The following ZNF662 variants were observed in gnomAD, a reference collection of about 807,000 sequenced individuals.
The protein encoded by ZNF662 is zinc finger protein 662.
ZNF662 carries 14 observed loss-of-function variants against 12.4 expected under a neutral mutation model. That is an observed-to-expected ratio of 1.13 (90% CI 0.75 to 1.77). ZNF662 has a LOEUF of 1.77. Ranked by LOEUF, ZNF662 falls within the 40% of genes most tolerant of loss-of-function variation. The pLI, the probability that ZNF662 is intolerant of heterozygous loss-of-function variation, is 0.00. For synonymous variants in ZNF662, 184 were observed against 176.4 expected, an observed-to-expected ratio of 1.04 and a Z score of -0.34; for missense variants, 550 against 515.6, an observed-to-expected ratio of 1.07 and a Z score of -0.65.
At chr3:42,914,242 A>C (rs892597616) in intron 4 of ZNF662, 85 bp from the exon 5 acceptor site, 1 of 1,226,962 alleles carries the variant, frequency 8.2e-7, no homozygotes, top group African/African-American at 1.5e-5. Context: ...CTTGGAGAGA[A>C]GTGGACGTAT....
chr3:42,909,724 C>G (rs536557791), intron 3 of ZNF662, among the ~76,000 whole-genome samples: 4 of 151,470 alleles, frequency 2.6e-5, no homozygotes, highest in Non-Finnish European at 2.9e-5. Context: ...GGCGGCTGGC[C>G]GGGCGGAGGA....
In ZNF662 at chr3:42,918,700, T is replaced by A. The variant is rs2088920360; in HGVS notation, c.*3346T>A. Among the ~76,000 whole-genome samples the A allele has an allele frequency of 6.6e-6, 1 of 152,172 alleles. No individual in the cohort carries two copies. The highest frequency in any genetic ancestry group is 2.4e-5 in the African/African-American group (1 of 41,426). On this transcript the variant is annotated 3_prime_UTR_variant, in exon 5 of 5. Coordinates refer to ENST00000440367, the MANE Select transcript of ZNF662 (RefSeq NM_207404.4). ...CTGGTTCCTGCTGATGGGGGCACTG[T>A]TTTGGGAAAATAGCAGTGAGATCTC...
At chr3:42,911,214 C>A (rs2088784663) in intron 3 of ZNF662, among the ~76,000 whole-genome samples, 1 of 152,192 alleles carries the variant, frequency 6.6e-6, no homozygotes, top group Admixed American at 6.5e-5. Flanking sequence ...TTGACTTGGT[C>A]TGAATTGCCA....
At chr3:42,909,729 G>A (rs990009694) in intron 3 of ZNF662, among the ~76,000 whole-genome samples, 10 of 151,048 alleles carry the variant, frequency 6.6e-5, no homozygotes, top group South Asian at 2.1e-4. Context: ...CTGGCCGGGC[G>A]GAGGAGCTCC....
intron 4 of ZNF662, among the ~76,000 whole-genome samples, chr3:42,914,107 G>C (rs1343560546): frequency 6.7e-6 from 1 of 149,144 alleles, no homozygotes; most frequent in East Asian, 2.0e-4. Context: ...CCTTGGTTTG[G>C]TGCCAGGAAT....
chr3:42,913,261 A>G lies in ZNF662; in HGVS notation c.212A>G (p.Asn71Ser). The stretch of plus-strand genomic sequence containing the variant: ...CCTGAGCAGGTGGAAGAGCCATTAA[A>G]CCTGAAACTGCAAGGAGAGGGTCCA... ...SHPEQVEEPL[N>S]LKLQGEGPSL... Residue 71 changes from asparagine to serine, a missense_variant, in exon 4 of 5, where the codon AAC (asparagine) becomes AGC (serine). By Grantham distance (46) the Asn-to-Ser change is conservative (BLOSUM62 1). Transcript: ENST00000440367. 1 of 1,613,976 alleles carries G rather than the reference A, an allele frequency of 6.2e-7. No homozygotes were observed. Among genetic ancestry groups the G allele is most frequent in the South Asian group, 1.1e-5 (1 of 91,082 alleles).
chr3:42,906,300 G>A lies in ZNF662; in HGVS notation c.-94+132G>A, dbSNP rs755184523. The A allele has an allele frequency of 7.5e-5, 113 of 1,505,224 alleles. No individual in the cohort carries two copies. Among genetic ancestry groups the A allele is most frequent in the Non-Finnish European group, 9.0e-5 (101 of 1,126,370 alleles). The allele number at this position is 1,505,224 out of a possible 1,614,324, so 93.2% of individuals were successfully genotyped here. A position where few individuals can be genotyped will look rare whatever the true frequency, so the allele number is the denominator to read the frequency against. On this transcript the variant is annotated intron_variant, in intron 1 of 4. Coordinates refer to ENST00000440367, the MANE Select transcript of ZNF662 (RefSeq NM_207404.4). The surrounding 1 kb of genome is among the most constrained non-coding windows in gnomAD (Gnocchi z 4.4). ...AGAGCGCTCTTCCGCGACCCCAACA[G>A]CCTCTGGTCCGGTCTGGCGCGCCCT...
Position 42,918,757 on chromosome 3 carries a change from A to C in ZNF662, c.*3403A>C, listed in dbSNP as rs1419774532. On this transcript the variant is annotated 3_prime_UTR_variant, in exon 5 of 5. Transcript: ENST00000440367. ...AGGCCTATCTAAGGGTCCCTGGTAA[A>C]AGGTGGCCATCATTTGAGGTTCCAA... 6.6e-6 allele frequency among the ~76,000 whole-genome samples: 1 copy of C among 152,192 alleles called. No homozygotes were observed. The highest frequency in any genetic ancestry group is 1.5e-5 in the Non-Finnish European group (1 of 68,032).
intron 3 of ZNF662, among the ~76,000 whole-genome samples, chr3:42,909,169 T>A (rs1017996531): frequency 2.6e-5 from 4 of 152,108 alleles, no homozygotes; most frequent in African/African-American, 9.7e-5. Flanking sequence ...CAGATAAACA[T>A]GTGAACAAAG....
chr3:42,915,447 T>A lies in ZNF662; in HGVS notation c.*93T>A. 8.5e-7 allele frequency: 1 copy of A among 1,180,186 alleles called. No individual in the cohort carries two copies. The highest frequency in any genetic ancestry group is 1.2e-6 in the Non-Finnish European group (1 of 841,734). 73.1% of individuals were successfully genotyped at this position (1,180,186 alleles called of 1,614,324 possible). A position where few individuals can be genotyped will look rare whatever the true frequency, so the allele number is the denominator to read the frequency against. Reference sequence around the variant, plus strand: ...GACCATTCACAATTTGCTGTAACCCTTAACTTAAATAGCCAGTATTATCTT... The same window carrying A: ...GACCATTCACAATTTGCTGTAACCCATAACTTAAATAGCCAGTATTATCTT... On this transcript the variant is annotated 3_prime_UTR_variant, in exon 5 of 5. Transcript: ENST00000440367.
At chr3:42,914,280 G>A (rs747607875) in intron 4 of ZNF662, 47 bp from the exon 5 acceptor site, 1 of 1,492,294 alleles carries the variant, frequency 6.7e-7, no homozygotes, top group Non-Finnish European at 9.0e-7. Context: ...CTTAGTCGCT[G>A]TGTCATGGAT....
intron 1 of ZNF662, chr3:42,907,646 C>A (rs1476321670): frequency 1.0e-6 from 1 of 977,952 alleles, no homozygotes; most frequent in African/African-American, 1.8e-5. Context: ...GTGCTTGGCA[C>A]AGGCTTAATA....
At chr3:42,907,541 C>A (rs2088700485) in intron 1 of ZNF662, 1 of 363,986 alleles carries the variant, frequency 2.7e-6, no homozygotes, top group Non-Finnish European at 3.8e-6. Flanking sequence ...AGTTCTGGAA[C>A]TTTGGGGGAA....
At chr3:42,910,378 G>A (rs926472416) in intron 3 of ZNF662, among the ~76,000 whole-genome samples, 2 of 152,024 alleles carry the variant, frequency 1.3e-5, no homozygotes, top group African/African-American at 2.4e-5. Context: ...GGGAGAGGGA[G>A]AGCTTTTATA....
At chr3:42,913,078 AT>A in intron 3 of ZNF662, 122 bp from the exon 4 acceptor site, 1 of 679,062 alleles carries the variant, frequency 1.5e-6, no homozygotes, top group Non-Finnish European at 2.6e-6. Flanking sequence ...ATTTCTGCTT[AT>A]CTATGTTACC....
At chr3:42,910,840 A>G (rs1048530288) in intron 3 of ZNF662, among the ~76,000 whole-genome samples, 8 of 152,198 alleles carry the variant, frequency 5.3e-5, no homozygotes, top group African/African-American at 1.9e-4. Flanking sequence ...TCATATTAGA[A>G]TACTCTTGAT....
chr3:42,912,718 A>ATTTT (rs1559381616), intron 3 of ZNF662, among the ~76,000 whole-genome samples: 1 of 95,400 alleles, frequency 1.0e-5, no homozygotes, highest in Non-Finnish European at 1.9e-5. Context: ...ATATATATAT[A>ATTTT]TATTTTTTAT....
rs1396395626 is a variant in ZNF662, at chr3:42,918,870, G to A, written c.*3516G>A. 6.6e-6 allele frequency among the ~76,000 whole-genome samples: 1 copy of A among 152,166 alleles called. No homozygotes were observed. The highest frequency in any genetic ancestry group is 2.4e-5 in the African/African-American group (1 of 41,428). On this transcript the variant is annotated 3_prime_UTR_variant, in exon 5 of 5. Transcript: ENST00000440367. ...GACAATCAAAATGAAACAAAGCGGG[G>A]ATGGTAAGGACAGCTAAAAAAAATC...
chr3:42,915,025 GC>G lies in ZNF662; in HGVS notation c.955del (p.Leu319PhefsTer85). 6.2e-7 allele frequency: 1 copy of G among 1,613,952 alleles called. No individual in the cohort carries two copies. The highest frequency in any genetic ancestry group is 8.5e-7 in the Non-Finnish European group (1 of 1,180,010). On this transcript the variant is annotated frameshift_variant, in exon 5 of 5. Coordinates refer to ENST00000440367, the MANE Select transcript of ZNF662 (RefSeq NM_207404.4). LOFTEE classifies it low-confidence loss of function (END_TRUNC). ...TGGGAAAAGCTTTACTCGAAACCCA[GC>G]CCTTCTTCGACATCAGAGAATGCAC... ...ECGKSFTRNP[A>X]LLRHQRMHTG...
Sources: gnomAD v4.1 joint callset for allele counts (sites outside exome capture counted in the v4.1 genomes callset) on GRCh38, gnomAD v4.1.1 for gene constraint, Gnocchi (gnomAD v3.1) non-coding constraint, MANE v1.5 for transcripts, NCBI Gene and HGNC (gene_info 2026-07-23, HGNC 2026-07-21) for gene names.